Variants in PIK3C3 observed in about 807,000 individuals in gnomAD.
PIK3C3 encodes PI3-kinase type 3.
A neutral mutation model predicts 126.1 loss-of-function variants in PIK3C3; 95 were observed. The ratio of observed to expected loss-of-function variants is 0.75; its 90% CI spans 0.64 to 0.89. The LOEUF (loss-of-function observed/expected upper bound fraction) is 0.89. PIK3C3 is among the 40% of genes least tolerant of loss of function. PIK3C3 has a pLI of 0.00. For missense variants in PIK3C3, 829 were observed against 1,063.2 expected, an observed-to-expected ratio of 0.78 and a Z score of 3.06; for synonymous variants, 374 against 360.0, an observed-to-expected ratio of 1.04 and a Z score of -0.44.
In PIK3C3 at chr18:42,017,113, G is replaced by A. The variant is rs77775041; in HGVS notation, c.1416+1547G>A. On this transcript the variant is annotated intron_variant, in intron 12 of 24. Transcript: ENST00000262039. ...CAGAAAAGAGTGGCAATCATTTTGA[G>A]TGATATTTCTATCTTCCCCTATCCC... 5.8e-3 allele frequency among the ~76,000 whole-genome samples: 890 copies of A among 152,164 alleles called. 13 individuals are homozygous for A. The highest frequency in any genetic ancestry group is 0.02 in the African/African-American group (851 of 41,516).
chr18:42,026,115 G>A (rs965387085), intron 13 of PIK3C3: 1 of 152,150 alleles, frequency 6.6e-6, no homozygotes, highest in African/African-American at 2.4e-5. Context: ...CAGTGTGAAA[G>A]TCAACTTAGT....
chr18:42,062,384 C>T (rs888479141), intron 22 of PIK3C3, among the ~76,000 whole-genome samples: 6 of 151,870 alleles, frequency 4.0e-5, no homozygotes, highest in African/African-American at 1.5e-4. Flanking sequence ...TGGCCCAGGA[C>T]AGCTTAGAAT....
In PIK3C3 at chr18:42,084,580, CAAACCAAAAAAA is replaced by C. The variant is rs1986354132; in HGVS notation, c.*3447_*3458del. ...GAATATAGTATAGAGTAGCTAAAAA[CAAACCAAAAAAA>C]AAAAAAAAAAAAAAGGAAAAACAGA... On this transcript the variant is annotated 3_prime_UTR_variant, in exon 25 of 25. Transcript: ENST00000262039. The C allele has an allele frequency of 3.1e-5, 1 of 32,378 alleles. No individual in the cohort carries two copies. The highest frequency in any genetic ancestry group is 6.1e-5 in the Non-Finnish European group (1 of 16,266). The allele number at this position is 32,378 out of a possible 1,614,324, so 2.0% of individuals were successfully genotyped here.
intron 16 of PIK3C3, among the ~76,000 whole-genome samples, chr18:42,034,716 T>C (rs1233797942): frequency 6.6e-6 from 1 of 152,210 alleles, no homozygotes; most frequent in Non-Finnish European, 1.5e-5. Flanking sequence ...GTCAGCATCA[T>C]ACTGAAAGAT....
chr18:41,972,705 A>T (rs937393573), intron 4 of PIK3C3, among the ~76,000 whole-genome samples: 5 of 152,102 alleles, frequency 3.3e-5, no homozygotes, highest in Admixed American at 3.3e-4. Context: ...TTACTTTTTT[A>T]AGGGGAAAAA....
At chr18:42,062,278 C>T (rs944560037) in intron 22 of PIK3C3, among the ~76,000 whole-genome samples, 5 of 148,978 alleles carry the variant, frequency 3.4e-5, no homozygotes, top group South Asian at 2.1e-4. Context: ...GCGGATTGTA[C>T]GCTGCTGGCA....
chr18:41,963,733 A>T (rs918007131), intron 3 of PIK3C3, among the ~76,000 whole-genome samples: 2 of 151,802 alleles, frequency 1.3e-5, no homozygotes, highest in African/African-American at 4.8e-5. Context: ...GTGTTTATTG[A>T]CTATTTGTGT....
intron 9 of PIK3C3, among the ~76,000 whole-genome samples, chr18:42,003,755 G>A (rs1335585523): frequency 6.6e-6 from 1 of 152,160 alleles, no homozygotes; most frequent in African/African-American, 2.4e-5. Flanking sequence ...TGCTGTTTCT[G>A]TACTTACCCA....
chr18:41,958,418 A>G (rs1057184316), intron 2 of PIK3C3, among the ~76,000 whole-genome samples: 2 of 152,194 alleles, frequency 1.3e-5, no homozygotes. Context: ...AGTGTAGGAT[A>G]CACAGGCTGT....
chr18:42,064,865 T>C (rs1334009405), intron 23 of PIK3C3, 35 bp downstream of exon 23: 1 of 1,132,898 alleles, frequency 8.8e-7, no homozygotes, highest in Non-Finnish European at 1.3e-6. Context: ...AGAGCTCTTC[T>C]GTATAATTTT....
chr18:41,962,247 C>T lies in PIK3C3; in HGVS notation c.258-242C>T, dbSNP rs529896883. Reference sequence around the variant, plus strand: ...ATATTATCTGGTGTCTTGGTGTTTTCTGAGTTTTATTAAAAAATTTAACAG... The same window carrying T: ...ATATTATCTGGTGTCTTGGTGTTTTTTGAGTTTTATTAAAAAATTTAACAG... On this transcript the variant is annotated intron_variant, in intron 2 of 24. Transcript: ENST00000262039. 1.4e-4 allele frequency among the ~76,000 whole-genome samples: 21 copies of T among 151,764 alleles called. No homozygotes were observed. The South Asian group carries it at 4.4e-3, about 32-fold the overall frequency.
Position 41,957,624 on chromosome 18 carries a change from C to T in PIK3C3, c.123C>T (p.Asp41=). 1.2e-6 allele frequency: 2 copies of T among 1,612,914 alleles called. No homozygotes were observed. The highest frequency in any genetic ancestry group is 1.7e-6 in the Non-Finnish European group (2 of 1,179,666). Residue 41 remains aspartate (D), a synonymous_variant, in exon 2 of 25, where the codon GAC becomes GAT. Coordinates refer to ENST00000262039, the MANE Select transcript of PIK3C3 (RefSeq NM_002647.4). ...AGAGTTATAAAGCTGTCCTGGAAGACCCAATGTTGAAGTTCTCAGGACTAT... is the reference window on the plus strand; with the variant it reads ...AGAGTTATAAAGCTGTCCTGGAAGATCCAATGTTGAAGTTCTCAGGACTAT... ...EQKSYKAVLE[D]PMLKFSGLYQ...
intron 21 of PIK3C3, chr18:42,052,744 A>G (rs180841621): frequency 7.2e-5 from 11 of 152,294 alleles, no homozygotes; most frequent in African/African-American, 2.6e-4. Context: ...AATGTGGTTC[A>G]GTGCAGGAAA....
In PIK3C3 at chr18:41,999,690, A is replaced by G. The variant is rs902994776; in HGVS notation, c.984+2960A>G. ...CATAATTAAAATTAGGAAGTATAGC[A>G]TAGTAATTGATTAAGGGTCACTCTC... On this transcript the variant is annotated intron_variant, in intron 9 of 24. Coordinates refer to ENST00000262039, the MANE Select transcript of PIK3C3 (RefSeq NM_002647.4). 5.9e-5 allele frequency among the ~76,000 whole-genome samples: 9 copies of G among 152,220 alleles called. No homozygotes were observed. The East Asian group carries it at 1.3e-3, about 23-fold the overall frequency.
chr18:42,054,193 A>T (rs867415826), intron 21 of PIK3C3, among the ~76,000 whole-genome samples: 188 of 81,000 alleles, frequency 2.3e-3, no homozygotes, highest in African/African-American at 5.9e-3. Context: ...TATATATATA[A>T]AGGGGAATTT....
intron 15 of PIK3C3, among the ~76,000 whole-genome samples, chr18:42,031,334 C>T (rs1357691691): frequency 1.3e-5 from 2 of 152,134 alleles, no homozygotes; most frequent in African/African-American, 4.8e-5. Flanking sequence ...ATGTTGTCTT[C>T]TTTCCTTCGT....
Position 41,955,275 on chromosome 18 carries a change from C to T in PIK3C3, c.-17C>T, listed in dbSNP as rs1203497832. ...ACCTAAGTTCCCGCTGTAGGTGGTACCTTTGCAGACGGTGCGATGGGGGAA... is the reference window on the plus strand; with the variant it reads ...ACCTAAGTTCCCGCTGTAGGTGGTATCTTTGCAGACGGTGCGATGGGGGAA... On this transcript the variant is annotated 5_prime_UTR_variant, in exon 1 of 25. Transcript: ENST00000262039. 1 of 1,608,848 alleles carries T rather than the reference C, an allele frequency of 6.2e-7. No individual in the cohort carries two copies. The highest frequency in any genetic ancestry group is 8.5e-7 in the Non-Finnish European group (1 of 1,176,604).
chr18:42,080,502 A>G (rs1986209714), intron 24 of PIK3C3, among the ~76,000 whole-genome samples: 1 of 152,190 alleles, frequency 6.6e-6, no homozygotes. Context: ...ATGCCAGTAT[A>G]TTTGTATCAA....
Position 42,016,923 on chromosome 18 carries a change from A to T in PIK3C3, c.1416+1357A>T, listed in dbSNP as rs555378142. On this transcript the variant is annotated intron_variant, in intron 12 of 24. Transcript: ENST00000262039. ...GGATTCTGAAAACGATGTTCAGAAT[A>T]TTGATTTACACTCCCCCATCACTCA... Among the ~76,000 whole-genome samples, 3 of 152,274 alleles carry T rather than the reference A, an allele frequency of 2.0e-5. No homozygotes were observed. The South Asian group carries it at 6.2e-4, about 32-fold the overall frequency.
Sources: allele counts gnomAD v4.1 joint callset (sites outside exome capture counted in the v4.1 genomes callset), GRCh38; gene constraint gnomAD v4.1.1; transcripts MANE v1.5; gene names NCBI Gene and HGNC (gene_info 2026-07-23, HGNC 2026-07-21).